The following CCDC57 variants were observed in gnomAD, a reference collection of about 807,000 sequenced individuals.
CCDC57 encodes coiled-coil domain-containing protein 57.
Under a neutral mutation model 118.9 loss-of-function variants are expected in CCDC57, and 118 were observed. That is an observed-to-expected ratio of 0.99 (90% CI 0.86 to 1.16). The LOEUF is 1.16. CCDC57 is among the 50% of genes most tolerant of loss of function. The pLI is 0.00. For synonymous variants in CCDC57, 527 were observed against 532.9 expected (o/e 0.99, Z 0.15); for missense variants, 1,300 against 1,320.7 (o/e 0.98, Z 0.24).
At chr17:82,168,258 C>A (rs563714454) in intron 13 of CCDC57, among the ~76,000 whole-genome samples, 1 of 152,332 alleles carries the variant, frequency 6.6e-6, no homozygotes, top group South Asian at 2.1e-4. Flanking sequence ...CAGTCACTGT[C>A]CCCTGTGGGC....
intron 14 of CCDC57, among the ~76,000 whole-genome samples, chr17:82,161,493 GA>G (rs1330433715): frequency 1.3e-5 from 2 of 152,156 alleles, no homozygotes; most frequent in African/African-American, 2.4e-5. Flanking sequence ...CCAAACAGCG[GA>G]AACAACCCAA....
At chr17:82,101,669 T>G (rs1598591407) in exon 20 of CCDC57, 2 of 1,584,186 alleles carry the variant, frequency 1.3e-6, no homozygotes, top group Non-Finnish European at 1.7e-6. Flanking sequence ...TGGGGCGGGG[T>G]GGGGGGAGGA....
chr17:82,132,166 A>C (rs538243911), intron 17 of CCDC57, among the ~76,000 whole-genome samples: 21 of 151,532 alleles, frequency 1.4e-4, no homozygotes, highest in African/African-American at 5.1e-4. Flanking sequence ...TAGCCAAGAA[A>C]ATTTTGTAAA....
intron 3 of CCDC57, among the ~76,000 whole-genome samples, chr17:82,200,273 G>A (rs576711126): frequency 4.6e-5 from 7 of 152,272 alleles, no homozygotes; most frequent in East Asian, 1.9e-4. Context: ...AGAACCCAGC[G>A]CACTGACACG....
At chr17:82,178,768 C>T (rs773162859) in intron 10 of CCDC57, among the ~76,000 whole-genome samples, 163 bp from the exon 10 acceptor site, 18 of 152,232 alleles carry the variant, frequency 1.2e-4, no homozygotes, top group Non-Finnish European at 2.2e-4. Flanking sequence ...CCCAGGCTGC[C>T]CTTGCAGGCC....
chr17:82,207,163 A>C (rs1054355351), intron 2 of CCDC57, among the ~76,000 whole-genome samples: 1 of 152,118 alleles, frequency 6.6e-6, no homozygotes, highest in African/African-American at 2.4e-5. Context: ...CCACACGGCA[A>C]AACGCTGCCT....
chr17:82,116,967 G>A (rs946050488), intron 19 of CCDC57, among the ~76,000 whole-genome samples: 9 of 152,116 alleles, frequency 5.9e-5, no homozygotes, highest in Admixed American at 3.9e-4. Context: ...AGCTTTCCTA[G>A]TCCCCTTTGA....
chr17:82,145,528 C>T (rs1426818388), intron 16 of CCDC57, among the ~76,000 whole-genome samples: 2 of 151,728 alleles, frequency 1.3e-5, no homozygotes, highest in Non-Finnish European at 2.9e-5. Context: ...GCCTTGGCAA[C>T]AGAGATTCTG....
Position 82,198,399 on chromosome 17 carries a change from TG to T in CCDC57, c.430del (p.His144ThrfsTer9). 6.2e-7 allele frequency: 1 copy of T among 1,611,948 alleles called. No individual in the cohort carries two copies. Among genetic ancestry groups the T allele is most frequent in the African/African-American group, 1.3e-5 (1 of 74,868 alleles). On this transcript the variant is annotated frameshift_variant, in exon 4 of 20. Coordinates refer to ENST00000665763, the Ensembl canonical transcript of CCDC57. LOFTEE classifies it high-confidence loss of function. ...TAGATTTTCATACTGTTCCCGGTGGTGGTCAATCTCACCATTCTTGTCACTA... is the reference window on the plus strand; with the variant it reads ...TAGATTTTCATACTGTTCCCGGTGGTGTCAATCTCACCATTCTTGTCACTA...
chr17:82,184,020 C>CGCGCGCGCGT (rs2046558305), intron 8 of CCDC57, 88 bp from the exon 8 acceptor site: 1 of 260,908 alleles, frequency 3.8e-6, no homozygotes, highest in Non-Finnish European at 6.8e-6. Context: ...TACACATGCG[C>CGCGCGCGCGT]GCGCGCGCGC....
intron 15 of CCDC57, 86 bp downstream of exon 14, chr17:82,157,662 G>A (rs2042837921): frequency 6.7e-7 from 1 of 1,492,258 alleles, no homozygotes; most frequent in African/African-American, 1.4e-5. Flanking sequence ...AGGGCATACA[G>A]ACAGCAACGC....
chr17:82,123,943 G>A (rs1020808608), intron 19 of CCDC57, among the ~76,000 whole-genome samples: 1 of 128,860 alleles, frequency 7.8e-6, no homozygotes, highest in Admixed American at 9.4e-5. Context: ...GCATCATGAA[G>A]CTAGCACTCC....
At chr17:82,198,917 C>T (rs1002190386) in intron 3 of CCDC57, among the ~76,000 whole-genome samples, 3 of 148,216 alleles carry the variant, frequency 2.0e-5, no homozygotes, top group Non-Finnish European at 4.5e-5. Context: ...GGCGTGAACC[C>T]GGGAGGTGGA....
chr17:82,191,600 A>G (rs981243905), intron 7 of CCDC57, among the ~76,000 whole-genome samples: 1 of 151,980 alleles, frequency 6.6e-6, no homozygotes, highest in East Asian at 1.9e-4. Flanking sequence ...AACCTCCTCA[A>G]TGTGAAGATG....
intron 19 of CCDC57, among the ~76,000 whole-genome samples, chr17:82,114,899 T>C (rs1484926351): frequency 3.3e-5 from 5 of 152,158 alleles, no homozygotes; most frequent in Non-Finnish European, 7.4e-5. Flanking sequence ...CCAGCCTCTC[T>C]CAGAAAAATG....
rs776877764 is a variant in CCDC57 at position 82,134,501 on chromosome 17, A to C, written c.2456-307T>G. On this transcript the variant is annotated intron_variant, in intron 16 of 19. Transcript: ENST00000665763. ...CCTTTCTGTGGCAGGCACAAAGAAG[A>C]AGCAAAAACTTGCCAGGTGCGGAGG... Among the ~76,000 whole-genome samples the C allele has an allele frequency of 1.2e-3, 176 of 152,104 alleles. 1 individual carries two copies. Among genetic ancestry groups the C allele is most frequent in the Admixed American group, 3.3e-3 (51 of 15,264 alleles).
At chr17:82,127,578 G>C in intron 19 of CCDC57, 114 bp downstream of exon 18, 2 of 1,459,312 alleles carry the variant, frequency 1.4e-6, no homozygotes, top group Admixed American at 5.6e-5. Flanking sequence ...CAAAGTGCAG[G>C]GATTTCAGGG....
At chr17:82,103,680 T>G (rs931617466) in intron 19 of CCDC57, among the ~76,000 whole-genome samples, 1 of 152,202 alleles carries the variant, frequency 6.6e-6, no homozygotes, top group Admixed American at 6.5e-5. Context: ...AGACAAAGCC[T>G]GTGGGGATTT....
intron 4 of CCDC57, among the ~76,000 whole-genome samples, chr17:82,197,893 C>G (rs2048505361): frequency 6.6e-6 from 1 of 152,238 alleles, no homozygotes. Flanking sequence ...ACATCAGTGG[C>G]TCCCTGGTGC....
Sources: gnomAD v4.1 joint callset for allele counts (sites outside exome capture counted in the v4.1 genomes callset) on GRCh38, gnomAD v4.1.1 for gene constraint, MANE v1.5 for transcripts, NCBI Gene and HGNC (gene_info 2026-07-23, HGNC 2026-07-21) for gene names.